Variants in PCDH15 observed in about 807,000 individuals in gnomAD.
PCDH15 encodes the protein protocadherin-15.
Under a neutral mutation model 178.5 loss-of-function variants are expected in PCDH15, and 129 were observed. The ratio of observed to expected loss-of-function variants is 0.72; its 90% CI spans 0.63 to 0.84. The LOEUF (loss-of-function observed/expected upper bound fraction) is 0.84. Among genes scored for constraint, PCDH15 ranks in the 40% least tolerant of loss-of-function variants. The pLI is 0.00. For missense variants in PCDH15, 2,230 were observed against 2,099.9 expected, an observed-to-expected ratio of 1.06 and a Z score of -1.21; for synonymous variants, 800 against 732.0, an observed-to-expected ratio of 1.09 and a Z score of -1.50.
intron 2 of PCDH15, among the ~76,000 whole-genome samples, chr10:55,364,228 T>C (rs1845298893): frequency 6.6e-6 from 1 of 152,164 alleles, no homozygotes; most frequent in South Asian, 2.1e-4. Flanking sequence ...CATGCTGAAC[T>C]GTGAGTCAAT....
intron 2 of PCDH15, among the ~76,000 whole-genome samples, chr10:54,576,155 C>G (rs1354919577): frequency 6.8e-6 from 1 of 146,840 alleles, no homozygotes; most frequent in Non-Finnish European, 1.5e-5. Flanking sequence ...ATCTATCTAC[C>G]TACCTATCTA....
At chr10:54,221,362 T>G (rs1222940458) in intron 9 of PCDH15, among the ~76,000 whole-genome samples, 1 of 152,078 alleles carries the variant, frequency 6.6e-6, no homozygotes, top group Non-Finnish European at 1.5e-5. Flanking sequence ...TTCTGTAGGA[T>G]AAAGAAAAAA....
intron 2 of PCDH15, among the ~76,000 whole-genome samples, chr10:55,415,548 A>G (rs1010425576): frequency 6.6e-6 from 1 of 151,684 alleles, no homozygotes; most frequent in Non-Finnish European, 1.5e-5. Flanking sequence ...CCACTTTTCT[A>G]AGTATGCTAA....
chr10:53,870,788 G>A (rs1321129582), intron 26 of PCDH15, among the ~76,000 whole-genome samples: 1 of 152,072 alleles, frequency 6.6e-6, no homozygotes, highest in Non-Finnish European at 1.5e-5. Flanking sequence ...ACAACCAAAT[G>A]TTCTTTCTAT....
chr10:54,453,214 A>T (rs1281215773), intron 3 of PCDH15, among the ~76,000 whole-genome samples: 1 of 152,186 alleles, frequency 6.6e-6, no homozygotes, highest in Non-Finnish European at 1.5e-5. Flanking sequence ...ATGTATGTTT[A>T]TCACGGCACT....
intron 2 of PCDH15, among the ~76,000 whole-genome samples, chr10:55,074,013 C>T (rs909454894): frequency 9.9e-5 from 15 of 152,180 alleles, no homozygotes; most frequent in Non-Finnish European, 2.2e-4. Flanking sequence ...GCACCCAGGT[C>T]CATCTATGTC....
intron 2 of PCDH15, among the ~76,000 whole-genome samples, chr10:55,097,761 A>T (rs1431390955): frequency 6.6e-6 from 1 of 152,090 alleles, no homozygotes; most frequent in Non-Finnish European, 1.5e-5. Context: ...GAAGAGTCAC[A>T]CCTGTAATTT....
chr10:54,344,904 C>CAAAAAAAAAAAAAAAAAA (rs57295345), intron 6 of PCDH15, among the ~76,000 whole-genome samples: 4 of 78,884 alleles, frequency 5.1e-5, no homozygotes, highest in African/African-American at 4.9e-5. Context: ...AGAAACAAAG[C>CAAAAAAAAAAAAAAAAAA]AAAAAAAAAA....
At chr10:55,101,522 A>C (rs1398209474) in intron 2 of PCDH15, among the ~76,000 whole-genome samples, 1 of 151,948 alleles carries the variant, frequency 6.6e-6, no homozygotes, top group East Asian at 1.9e-4. Flanking sequence ...TCTAATGTAC[A>C]TTCTGGATGT....
At chr10:55,077,548 C>T (rs1338771293) in intron 2 of PCDH15, among the ~76,000 whole-genome samples, 1 of 145,416 alleles carries the variant, frequency 6.9e-6, no homozygotes, top group Admixed American at 7.2e-5. Flanking sequence ...TCCTTTCTAC[C>T]TTCCTTTCCT....
chr10:55,449,625 C>T (rs748134930), intron 2 of PCDH15, among the ~76,000 whole-genome samples: 8 of 151,902 alleles, frequency 5.3e-5, no homozygotes, highest in Non-Finnish European at 7.4e-5. Flanking sequence ...CTATACAAAA[C>T]GAAATATATG....
At chr10:54,192,617 T>C (rs948780898) in intron 11 of PCDH15, among the ~76,000 whole-genome samples, 23 of 152,138 alleles carry the variant, frequency 1.5e-4, no homozygotes, top group African/African-American at 5.6e-4. Flanking sequence ...TCTAATATTC[T>C]ATGAGCTTAT....
intron 25 of PCDH15, among the ~76,000 whole-genome samples, chr10:53,932,090 A>G (rs1564800802): frequency 6.6e-6 from 1 of 152,250 alleles, no homozygotes; most frequent in Non-Finnish European, 1.5e-5. Flanking sequence ...TAAAACAGAC[A>G]TGGTCAATGA....
At chr10:54,000,480 G>A (rs2092080547) in intron 20 of PCDH15, among the ~76,000 whole-genome samples, 1 of 152,034 alleles carries the variant, frequency 6.6e-6, no homozygotes, top group African/African-American at 2.4e-5. Flanking sequence ...ATTTAACAAA[G>A]AGATTGAAAT....
chr10:54,372,029 T>G (rs7916420), intron 4 of PCDH15, among the ~76,000 whole-genome samples: 8,423 of 151,900 alleles, frequency 0.055, 275 homozygotes, highest in Admixed American at 0.1. Flanking sequence ...GACCTCCATT[T>G]TTACTACCAG....
intron 26 of PCDH15, among the ~76,000 whole-genome samples, chr10:53,893,965 C>T (rs11003918): frequency 0.66 from 100,038 of 151,918 alleles, 33,795 homozygotes; most frequent in East Asian, 0.87. Flanking sequence ...TTTTTTAAAA[C>T]CCAGGGGTAC....
At chr10:54,513,965 C>A (rs935515040) in intron 3 of PCDH15, among the ~76,000 whole-genome samples, 1 of 152,200 alleles carries the variant, frequency 6.6e-6, no homozygotes, top group Non-Finnish European at 1.5e-5. Context: ...CACAGGCTTG[C>A]ATGTTTACCT....
chr10:54,010,401 G>C (rs944211826), intron 20 of PCDH15, among the ~76,000 whole-genome samples: 3 of 152,150 alleles, frequency 2.0e-5, no homozygotes, highest in African/African-American at 7.2e-5. Flanking sequence ...AGAGGGCAAG[G>C]CAGGTCACCA....
intron 1 of PCDH15, among the ~76,000 whole-genome samples, chr10:55,246,428 T>TA (rs1356271863): frequency 6.6e-6 from 1 of 152,218 alleles, no homozygotes; most frequent in Non-Finnish European, 1.5e-5. Context: ...TTTTCTCAGC[T>TA]AATTTTCCAG....
Sources: allele counts gnomAD v4.1 joint callset (sites outside exome capture counted in the v4.1 genomes callset), GRCh38; gene constraint gnomAD v4.1.1; transcripts MANE v1.5; gene names NCBI Gene and HGNC (gene_info 2026-07-23, HGNC 2026-07-21).